TMEM91: variants seen among roughly 807,000 people sequenced by gnomAD.
TMEM91 encodes the protein dispanin subfamily C member 3.
TMEM91 carries 6 observed loss-of-function variants against 13.3 expected under a neutral mutation model. The ratio of observed to expected loss-of-function variants is 0.45; its 90% CI spans 0.25 to 0.89. The LOEUF is 0.89. Ranked by LOEUF, TMEM91 falls within the 40% of genes least tolerant of loss-of-function variation. TMEM91 has a pLI of 0.19. For missense variants in TMEM91, 193 were observed against 228.7 expected, an observed-to-expected ratio of 0.84 and a Z score of 1.01; for synonymous variants, 87 against 101.7, an observed-to-expected ratio of 0.86 and a Z score of 0.87.
At chr19:41,366,170 T>C (rs1476093821) in intron 1 of TMEM91, among the ~76,000 whole-genome samples, 1 of 150,778 alleles carries the variant, frequency 6.6e-6, no homozygotes, top group Non-Finnish European at 1.5e-5. Context: ...AAGCTGGAGC[T>C]GGGGAAAATG....
At chr19:41,374,621 T>C (rs7260340), upstream of TMEM91, among the ~76,000 whole-genome samples, 96,584 of 151,838 alleles carry the variant, frequency 0.64, 31,449 homozygotes, top group African/African-American at 0.77. Flanking sequence ...CCCCATTTTG[T>C]AGGTGAAGAA....
At chr19:41,383,005 C>T (rs774085405) in intron 3 of TMEM91, 84 bp downstream of exon 3, 110 of 1,540,148 alleles carry the variant, frequency 7.1e-5, no homozygotes, top group Admixed American at 9.9e-5. Context: ...ATACCTGAGG[C>T]GGGAAGGTGG....
chr19:41,371,539 C>T (rs1010798016), upstream of TMEM91, among the ~76,000 whole-genome samples: 2 of 151,946 alleles, frequency 1.3e-5, no homozygotes, highest in Admixed American at 1.3e-4. Flanking sequence ...CCTGCCTCAG[C>T]CTCCCGAGTA....
chr19:41,367,234 A>G (rs2038542020), intron 1 of TMEM91, among the ~76,000 whole-genome samples: 1 of 152,254 alleles, frequency 6.6e-6, no homozygotes, highest in Non-Finnish European at 1.5e-5. Context: ...CAACAGTTTC[A>G]TTAGTACATC....
chr19:41,381,227 G>A (rs76740185), intron 2 of TMEM91, among the ~76,000 whole-genome samples: 136 of 151,660 alleles, frequency 9.0e-4, no homozygotes, highest in African/African-American at 3.0e-3. Context: ...TTCTTGCTCC[G>A]TTGCTCAGGC....
At chr19:41,371,191 G>A (rs1214684798) in intron 1 of TMEM91, among the ~76,000 whole-genome samples, 5 of 142,054 alleles carry the variant, frequency 3.5e-5, no homozygotes, top group Non-Finnish European at 4.6e-5. Context: ...TAGTAGAGAC[G>A]GAGTTTTGCC....
intron 1 of TMEM91, among the ~76,000 whole-genome samples, chr19:41,365,388 T>C (rs1249506653): frequency 2.0e-5 from 3 of 152,114 alleles, no homozygotes; most frequent in African/African-American, 7.2e-5. Context: ...ATTGAAATGT[T>C]GTACCCTCGT....
chr19:41,367,765 G>T (rs940351045), intron 1 of TMEM91, among the ~76,000 whole-genome samples: 8 of 152,134 alleles, frequency 5.3e-5, no homozygotes, highest in Non-Finnish European at 1.0e-4. Flanking sequence ...CAGTAGCTGG[G>T]ACTACAGGCG....
At chr19:41,378,731 C>G (rs1473073495) in intron 2 of TMEM91, among the ~76,000 whole-genome samples, 3 of 152,124 alleles carry the variant, frequency 2.0e-5, no homozygotes, top group African/African-American at 4.8e-5. Context: ...TCTGTCTTCC[C>G]TCTGATCTCA....
intron 1 of TMEM91, among the ~76,000 whole-genome samples, chr19:41,368,278 A>G (rs1220676987): frequency 6.6e-6 from 1 of 151,996 alleles, no homozygotes; most frequent in Non-Finnish European, 1.5e-5. Flanking sequence ...ATAGCAGGGC[A>G]TGGTGACACA....
upstream of TMEM91, among the ~76,000 whole-genome samples, chr19:41,372,958 A>T (rs2038648053): frequency 1.1e-5 from 1 of 89,374 alleles, no homozygotes. Context: ...TTTGTTTTTG[A>T]GACTGGGTTT....
At chr19:41,370,183 T>G (rs1304244454) in intron 1 of TMEM91, among the ~76,000 whole-genome samples, 1 of 152,080 alleles carries the variant, frequency 6.6e-6, no homozygotes, top group African/African-American at 2.4e-5. Flanking sequence ...GTTCAAGTGA[T>G]TCTCCCACCT....
At chr19:41,379,367 TAAA>T (rs80166771) in intron 2 of TMEM91, among the ~76,000 whole-genome samples, 1 of 131,292 alleles carries the variant, frequency 7.6e-6, no homozygotes, top group Admixed American at 7.8e-5. Flanking sequence ...GACCCCATCT[TAAA>T]AAAAAAAAAA....
At chr19:41,380,068 T>C (rs2038843386) in intron 2 of TMEM91, among the ~76,000 whole-genome samples, 1 of 151,916 alleles carries the variant, frequency 6.6e-6, no homozygotes, top group Admixed American at 6.6e-5. Flanking sequence ...GCTAATTTTG[T>C]ATTTTTAGTA....
chr19:41,372,565 G>A (rs2038641541), upstream of TMEM91, among the ~76,000 whole-genome samples: 1 of 152,096 alleles, frequency 6.6e-6, no homozygotes, highest in Non-Finnish European at 1.5e-5. Flanking sequence ...ATGTTTTGAA[G>A]GTTATAGGCG....
chr19:41,366,052 C>CTTTTTTTTTTTTTTTTTTTTTTTTATT (rs11375696), intron 1 of TMEM91, among the ~76,000 whole-genome samples: 1 of 105,838 alleles, frequency 9.4e-6, no homozygotes. Flanking sequence ...TATTTATTTA[C>CTTTTTTTTTTTTTTTTTTTTTTTTATT]TTTTTTTTTT....
In TMEM91 at chr19:41,383,899, C is replaced by G. The variant is rs775247572; in HGVS notation, c.*26C>G. ...TTGCCCCTACAGCCCTCACTGTGAA[C>G]CCTGAGGCCGGCAGCCCAGCAAATC... On this transcript the variant is annotated 3_prime_UTR_variant, in exon 4 of 4. Transcript: ENST00000392002. The G allele has an allele frequency of 1.3e-6, 2 of 1,587,298 alleles. No homozygotes were observed. Among genetic ancestry groups the G allele is most frequent in the South Asian group, 2.3e-5 (2 of 87,042 alleles).
chr19:41,379,839 A>G (rs1278373135), intron 2 of TMEM91, among the ~76,000 whole-genome samples: 2 of 146,876 alleles, frequency 1.4e-5, no homozygotes, highest in Non-Finnish European at 3.0e-5. Context: ...TAGAACAGTC[A>G]GGGGCTGGCT....
In TMEM91 at chr19:41,383,909, G is replaced by A. The variant is rs761766971; in HGVS notation, c.*36G>A. On this transcript the variant is annotated 3_prime_UTR_variant, in exon 4 of 4. Transcript: ENST00000392002. ...AGCCCTCACTGTGAACCCTGAGGCC[G>A]GCAGCCCAGCAAATCTGTGGGCAGA... is the stretch of plus-strand genomic sequence containing the variant. 1.4e-5 allele frequency: 22 copies of A among 1,580,430 alleles called. No homozygotes were observed. The highest frequency in any genetic ancestry group is 3.5e-5 in the South Asian group (3 of 85,932).
Sources: gnomAD v4.1 joint callset for allele counts (sites outside exome capture counted in the v4.1 genomes callset) on GRCh38, gnomAD v4.1.1 for gene constraint, MANE v1.5 for transcripts, NCBI Gene and HGNC (gene_info 2026-07-23, HGNC 2026-07-21) for gene names.